MMP13: variants seen among roughly 807,000 people sequenced by gnomAD.
MMP13 encodes matrix metallopeptidase 13.
A neutral mutation model predicts 52.1 loss-of-function variants in MMP13; 45 were observed. The ratio of observed to expected loss-of-function variants is 0.86; its 90% CI spans 0.68 to 1.11. The LOEUF is 1.11. MMP13 is among the 50% of genes least tolerant of loss of function. The probability of loss-of-function intolerance (pLI) is 0.00; values close to 1 mark genes in which losing one functional copy is unlikely to be tolerated. For missense variants in MMP13, 576 were observed against 583.8 expected (o/e 0.99, Z 0.14); for synonymous variants, 200 against 204.4 (o/e 0.98, Z 0.18).
rs995121602 is a variant in MMP13, at chr11:102,955,303, T to C, written c.311A>G (p.Tyr104Cys). The C allele has an allele frequency of 6.2e-7, 1 of 1,614,006 alleles. No individual in the cohort carries two copies. Among genetic ancestry groups the C allele is most frequent in the Non-Finnish European group, 8.5e-7 (1 of 1,179,900 alleles). Residue 104 changes from tyrosine (Y) to cysteine (C), a missense_variant, in exon 2 of 10, where the codon TAC (tyrosine) becomes TGC (cysteine). Coordinates refer to ENST00000260302, the MANE Select transcript of MMP13 (RefSeq NM_002427.4). The surrounding 1 kb of genome is among the most constrained non-coding windows in gnomAD (Gnocchi z 4.9). ...PRCGVPDVGE[Y>C]NVFPRTLKWS... ...TTTAAGAGTTCGAGGGAAAACATTG[T>C]ATTCACCCACATCAGGAACCCCGCA...
At chr11:102,953,468 A>G (rs993440764) in intron 4 of MMP13, among the ~76,000 whole-genome samples, 1 of 152,214 alleles carries the variant, frequency 6.6e-6, no homozygotes. Flanking sequence ...TCTACTTGTC[A>G]TAACTAAGTC....
Position 102,943,829 on chromosome 11 carries a change from T to G in MMP13, c.*437A>C, listed in dbSNP as rs1555016302. ...TACAGACATTTTCCTTTGGTTTATT[T>G]CTTTTATGTATGGCTCTCCCAAATT... On this transcript the variant is annotated 3_prime_UTR_variant, in exon 10 of 10. Transcript: ENST00000260302. 4 of 172,342 alleles carry G rather than the reference T, an allele frequency of 2.3e-5. No individual in the cohort carries two copies. The highest frequency in any genetic ancestry group is 7.2e-5 in the African/African-American group (3 of 41,716). 10.7% of individuals were successfully genotyped at this position (172,342 alleles called of 1,614,324 possible). A position where few individuals can be genotyped will look rare whatever the true frequency, so the allele number is the denominator to read the frequency against.
Position 102,949,043 on chromosome 11 carries a change from G to T in MMP13, c.1033C>A (p.Leu345Ile). Reference sequence around the variant, plus strand: ...AGCTTACCTCTGAAGATGAAGATGAGGTCATGAGAAGGGTGCTCATATGCA... The same window carrying T: ...AGCTTACCTCTGAAGATGAAGATGATGTCATGAGAAGGGTGCTCATATGCA... ...DAAYEHPSHD[L>I]IFIFRGRKFW... The change falls in exon 7 of 10, where the codon CTC (leucine) becomes ATC (isoleucine). Residue 345 changes from leucine (L) to isoleucine (I), a missense_variant. Leu to Ile is a conservative substitution (Grantham distance 5). Coordinates refer to ENST00000260302, the MANE Select transcript of MMP13 (RefSeq NM_002427.4). This position sits in a 1 kb window ranked among gnomAD's most constrained non-coding sequence, Gnocchi z 4.2. The T allele has an allele frequency of 6.2e-7, 1 of 1,613,734 alleles. No homozygotes were observed. Among genetic ancestry groups the T allele is most frequent in the Non-Finnish European group, 8.5e-7 (1 of 1,179,800 alleles).
chr11:102,951,784 G>A (rs1860616339), intron 5 of MMP13, among the ~76,000 whole-genome samples: 1 of 152,108 alleles, frequency 6.6e-6, no homozygotes, highest in African/African-American at 2.4e-5. Context: ...GCATATTACT[G>A]TTCTGAGTAC....
chr11:102,952,634 G>A lies in MMP13; in HGVS notation c.638-461C>T, dbSNP rs1017117863. Reference sequence around the variant, plus strand: ...CAGCATCCAAAGGGATGGTACCAAGGATGGAGGATGCACTAAATAGGTTCT... The same window carrying A: ...CAGCATCCAAAGGGATGGTACCAAGAATGGAGGATGCACTAAATAGGTTCT... On this transcript the variant is annotated intron_variant, in intron 4 of 9. Coordinates refer to ENST00000260302, the MANE Select transcript of MMP13 (RefSeq NM_002427.4). The surrounding 1 kb of genome is among the most constrained non-coding windows in gnomAD (Gnocchi z 4.3). 1.3e-5 allele frequency among the ~76,000 whole-genome samples: 2 copies of A among 152,122 alleles called. No homozygotes were observed. Among genetic ancestry groups the A allele is most frequent in the Non-Finnish European group, 2.9e-5 (2 of 67,992 alleles).
At position 102,948,975 on chromosome 11, in the gene MMP13, A is replaced by G. The variant is rs782120809; in HGVS notation, c.1051+50T>C. On this transcript the variant is annotated intron_variant, in intron 7 of 9. Transcript: ENST00000260302. Reference sequence around the variant, plus strand: ...CTGAATCTCTAGTGGCATCAAATTCAGCACTGCCTCCCCTGGTCTTGTGTG... The same window carrying G: ...CTGAATCTCTAGTGGCATCAAATTCGGCACTGCCTCCCCTGGTCTTGTGTG... 4.3e-6 allele frequency: 7 copies of G among 1,610,332 alleles called. No homozygotes were observed. The South Asian group carries it at 7.7e-5, about 18-fold the overall frequency.
In MMP13 at chr11:102,955,482, T is replaced by C. The variant is rs540951198; in HGVS notation, c.132A>G (p.Arg44=). 3.5e-5 allele frequency: 57 copies of C among 1,613,876 alleles called. No homozygotes were observed. The highest frequency in any genetic ancestry group is 1.2e-5 in the Non-Finnish European group (14 of 1,179,924). The change falls in exon 2 of 10, where the codon AGA becomes AGG. Residue 44 remains arginine, a synonymous_variant. Coordinates refer to ENST00000260302, the MANE Select transcript of MMP13 (RefSeq NM_002427.4). This position sits in a 1 kb window ranked among gnomAD's most constrained non-coding sequence, Gnocchi z 4.9. The stretch of plus-strand genomic sequence containing the variant: ...CGAGATTTGTAGGATGGTAGTATGA[T>C]CTCAGGTAGCGCTAGAAAAGACACC... ...EDLQFAERYL[R]SYYHPTNLAG...
At chr11:102,953,508 CTAAGT>C (rs1316010889) in intron 4 of MMP13, among the ~76,000 whole-genome samples, 2 of 152,122 alleles carry the variant, frequency 1.3e-5, no homozygotes, top group Non-Finnish European at 2.9e-5. Flanking sequence ...GCTTTTCTTC[CTAAGT>C]TAACATTCCC....
Position 102,945,629 on chromosome 11 carries a change from G to A in MMP13, c.1315+17C>T. On this transcript the variant is annotated intron_variant, in intron 9 of 9. Coordinates refer to ENST00000260302, the MANE Select transcript of MMP13 (RefSeq NM_002427.4). Reference sequence around the variant, plus strand: ...ACAGAAGCTCCTCTTTAAAGTCAGTGCAATGTAACTACTTACCATTTTTCT... The same window carrying A: ...ACAGAAGCTCCTCTTTAAAGTCAGTACAATGTAACTACTTACCATTTTTCT... The A allele has an allele frequency of 7.0e-7, 1 of 1,438,486 alleles. No individual in the cohort carries two copies. The highest frequency in any genetic ancestry group is 9.8e-7 in the Non-Finnish European group (1 of 1,021,350). The allele number at this position is 1,438,486 out of a possible 1,614,324, so 89.1% of individuals were successfully genotyped here. A position where few individuals can be genotyped will look rare whatever the true frequency, so the allele number is the denominator to read the frequency against.
chr11:102,948,971 A>T (rs576107814), intron 7 of MMP13, 54 bp downstream of exon 7: 435 of 1,609,508 alleles, frequency 2.7e-4, no homozygotes, highest in Non-Finnish European at 3.5e-4. Context: ...GTGGCATCAA[A>T]TTCAGCACTG....
chr11:102,954,147 A>C lies in MMP13; in HGVS notation c.637+9T>G. Reference sequence around the variant, plus strand: ...AACACATAAATGATATCTTTATAAGAAACATTACCTTTGGAACTACTTGTC... The same window carrying C: ...AACACATAAATGATATCTTTATAAGCAACATTACCTTTGGAACTACTTGTC... On this transcript the variant is annotated intron_variant, in intron 4 of 9. Coordinates refer to ENST00000260302, the MANE Select transcript of MMP13 (RefSeq NM_002427.4). The C allele has an allele frequency of 6.2e-7, 1 of 1,613,308 alleles. No individual in the cohort carries two copies. The highest frequency in any genetic ancestry group is 8.5e-7 in the Non-Finnish European group (1 of 1,179,494).
chr11:102,955,240 C>T lies in MMP13; in HGVS notation c.362+12G>A. 1 of 1,613,200 alleles carries T rather than the reference C, an allele frequency of 6.2e-7. No individual in the cohort carries two copies. The highest frequency in any genetic ancestry group is 1.1e-5 in the South Asian group (1 of 91,074). On this transcript the variant is annotated intron_variant, in intron 2 of 9. Coordinates refer to ENST00000260302, the MANE Select transcript of MMP13 (RefSeq NM_002427.4). The surrounding 1 kb of genome is among the most constrained non-coding windows in gnomAD (Gnocchi z 4.9). Reference sequence around the variant, plus strand: ...GCTAACAAATATGAAAGAAAGATAGCCTATGATTTACCTGTAGGTTAAATT... The same window carrying T: ...GCTAACAAATATGAAAGAAAGATAGTCTATGATTTACCTGTAGGTTAAATT...
At position 102,954,258 on chromosome 11, in the gene MMP13, C is replaced by T; in HGVS notation, c.535G>A (p.Asp179Asn). The part of the protein sequence containing the change: ...IKEHGDFYPF[D>N]GPSGLLAHAF... Reference sequence around the variant, plus strand: ...TGAGCCAGCAGGCCAGAGGGCCCATCAAATGGGTAGAAGTCGCCATGCTCT... The same window carrying T: ...TGAGCCAGCAGGCCAGAGGGCCCATTAAATGGGTAGAAGTCGCCATGCTCT... The change falls in exon 4 of 10, where the codon GAT (aspartate) becomes AAT (asparagine). Residue 179 changes from aspartate (D) to asparagine (N), a missense_variant. Asp to Asn is a conservative substitution (Grantham distance 23). Coordinates refer to ENST00000260302, the MANE Select transcript of MMP13 (RefSeq NM_002427.4). 1 of 1,613,582 alleles carries T rather than the reference C, an allele frequency of 6.2e-7. No individual in the cohort carries two copies. Among genetic ancestry groups the T allele is most frequent in the Non-Finnish European group, 8.5e-7 (1 of 1,179,722 alleles).
chr11:102,954,063 A>G (rs187001038), intron 4 of MMP13, 93 bp downstream of exon 4: 3 of 1,386,572 alleles, frequency 2.2e-6, no homozygotes, highest in Non-Finnish European at 3.0e-6. Context: ...CAAATACCAA[A>G]TATATTTAAC....
chr11:102,951,173 T>A (rs578121871), intron 5 of MMP13, among the ~76,000 whole-genome samples: 59 of 152,262 alleles, frequency 3.9e-4, no homozygotes, highest in African/African-American at 1.4e-3. Flanking sequence ...GGAAGAATTT[T>A]TTTTTTACAA....
rs1555016380 is a variant in MMP13 at position 102,944,236 on chromosome 11, G to T, written c.*30C>A. 2 of 1,539,634 alleles carry T rather than the reference G, an allele frequency of 1.3e-6. No homozygotes were observed. Among genetic ancestry groups the T allele is most frequent in the Non-Finnish European group, 1.8e-6 (2 of 1,113,460 alleles). On this transcript the variant is annotated 3_prime_UTR_variant, in exon 10 of 10. Transcript: ENST00000260302. ...GAAGTATTACCCCAAATGCTCTTCAGGATTTAAATAACAATTTTTAAAAAG... is the reference window on the plus strand; with the variant it reads ...GAAGTATTACCCCAAATGCTCTTCATGATTTAAATAACAATTTTTAAAAAG...
Position 102,947,875 on chromosome 11 carries a change from C to T in MMP13, c.1211+16G>A, listed in dbSNP as rs782712953. The T allele has an allele frequency of 1.2e-6, 2 of 1,613,694 alleles. No individual in the cohort carries two copies. Among genetic ancestry groups the T allele is most frequent in the Non-Finnish European group, 1.7e-6 (2 of 1,179,728 alleles). On this transcript the variant is annotated intron_variant, in intron 8 of 9. Coordinates refer to ENST00000260302, the MANE Select transcript of MMP13 (RefSeq NM_002427.4). ...CGGCTATGACACAGATGGGTCAGTA[C>T]CTACTGCTGCCATACCTCCAGACCT...
chr11:102,947,913 A>G lies in MMP13; in HGVS notation c.1189T>C (p.Phe397Leu). 6.2e-7 allele frequency: 1 copy of G among 1,613,942 alleles called. No individual in the cohort carries two copies. The highest frequency in any genetic ancestry group is 1.7e-4 in the Middle Eastern group (1 of 6,060). ...TACCTCCAGACCTGGTTTCCTGAGA[A>G]CAGGAGAGTCTTGCCTGTATCCTCA... Reference protein sequence around the residue: ...HFEDTGKTLLFSGNQVWRYDD... With the variant: ...HFEDTGKTLLLSGNQVWRYDD... The change falls in exon 8 of 10, where the codon TTC becomes CTC. Residue 397 changes from phenylalanine to leucine, a missense_variant. By Grantham distance (22) the Phe-to-Leu change is conservative (BLOSUM62 0). Transcript: ENST00000260302.
Position 102,954,531 on chromosome 11 carries a change from G to A in MMP13, c.438C>T (p.Ser146=), listed in dbSNP as rs17860530. Residue 146 remains serine (S), a synonymous_variant, in exon 3 of 10, where the codon TCC becomes TCT. Transcript: ENST00000260302. Reference sequence around the variant, plus strand: ...TGGTAAAATTCAGAGGAGTTACATCGGACCAAACTTTGAAGGCTTTTTTGA... The same window carrying A: ...TGGTAAAATTCAGAGGAGTTACATCAGACCAAACTTTGAAGGCTTTTTTGA... ...KAFKKAFKVW[S]DVTPLNFTRL... 1.9e-4 allele frequency: 302 copies of A among 1,613,450 alleles called. No homozygotes were observed. The highest frequency in any genetic ancestry group is 8.5e-4 in the African/African-American group (64 of 74,976).
Sources: gnomAD v4.1 joint callset for allele counts (sites outside exome capture counted in the v4.1 genomes callset) on GRCh38, gnomAD v4.1.1 for gene constraint, Gnocchi (gnomAD v3.1) non-coding constraint, MANE v1.5 for transcripts, NCBI Gene and HGNC (gene_info 2026-07-23, HGNC 2026-07-21) for gene names.